GRM5: variants seen among roughly 807,000 people sequenced by gnomAD.
GRM5 encodes the protein glutamate metabotropic receptor 5.
In GRM5, 19 loss-of-function variants were observed where a neutral mutation model predicts 83.1. The observed-to-expected ratio is 0.23, with a 90% CI of 0.16 to 0.34. The LOEUF (loss-of-function observed/expected upper bound fraction) is 0.34. Among genes scored for constraint, GRM5 ranks in the 10% least tolerant of loss-of-function variants. GRM5 has a pLI of 1.00. For missense variants in GRM5, 1,160 were observed against 1,588.3 expected (o/e 0.73, Z 4.58); for synonymous variants, 675 against 633.6 (o/e 1.07, Z -0.98).
intron 4 of GRM5, among the ~76,000 whole-genome samples, chr11:88,649,821 C>A (rs1474112699): frequency 1.3e-5 from 2 of 151,516 alleles, no homozygotes; most frequent in Non-Finnish European, 3.0e-5. Flanking sequence ...AAGAAATTTC[C>A]TCGGGCTGAA....
At chr11:89,063,813 T>C (rs758337584) in intron 1 of GRM5, among the ~76,000 whole-genome samples, 8 of 152,194 alleles carry the variant, frequency 5.3e-5, no homozygotes, top group Non-Finnish European at 7.3e-5. Flanking sequence ...TTTAGGAACA[T>C]AGACTCCTGG....
At chr11:88,664,699 G>A (rs1313105138) in intron 3 of GRM5, among the ~76,000 whole-genome samples, 3 of 152,006 alleles carry the variant, frequency 2.0e-5, no homozygotes, top group East Asian at 1.9e-4. Flanking sequence ...CACCTGCCTC[G>A]GCCTCCCAAA....
chr11:89,013,086 G>T (rs1212761849), intron 2 of GRM5, among the ~76,000 whole-genome samples: 3 of 152,130 alleles, frequency 2.0e-5, no homozygotes, highest in Admixed American at 6.5e-5. Flanking sequence ...CTAAGATCTT[G>T]CAGACAAAGT....
chr11:88,687,579 A>AATATATATATATATATAT (rs1242323998), intron 3 of GRM5, among the ~76,000 whole-genome samples: 1 of 46,880 alleles, frequency 2.1e-5, no homozygotes, highest in African/African-American at 2.0e-4. Flanking sequence ...ATATATATAT[A>AATATATATATATATATAT]ATATATATAT....
At position 88,508,223 on chromosome 11, in the gene GRM5, T is replaced by C. The variant is rs1941232313; in HGVS notation, c.*369A>G. 6.1e-6 allele frequency: 1 copy of C among 164,196 alleles called. No individual in the cohort carries two copies. The highest frequency in any genetic ancestry group is 2.4e-5 in the African/African-American group (1 of 41,976). The allele number at this position is 164,196 out of a possible 1,614,324, so 10.2% of individuals were successfully genotyped here. On this transcript the variant is annotated 3_prime_UTR_variant, in exon 10 of 10. Transcript: ENST00000305447. This position sits in a 1 kb window ranked among gnomAD's most constrained non-coding sequence, Gnocchi z 4.2. Reference sequence around the variant, plus strand: ...AATTAAAGTAAACAAATAAAACTTTTTACAGTTGCTTATTAACTATGCTCT... The same window carrying C: ...AATTAAAGTAAACAAATAAAACTTTCTACAGTTGCTTATTAACTATGCTCT...
chr11:89,010,973 A>G (rs1565334507), intron 2 of GRM5, among the ~76,000 whole-genome samples: 1 of 152,226 alleles, frequency 6.6e-6, no homozygotes, highest in African/African-American at 2.4e-5. Context: ...CCAAAAGAGT[A>G]ATAAGAAAAG....
intron 9 of GRM5, among the ~76,000 whole-genome samples, chr11:88,510,667 C>T (rs917159534): frequency 6.6e-6 from 1 of 152,204 alleles, no homozygotes; most frequent in African/African-American, 2.4e-5. Flanking sequence ...TAGGCATGCG[C>T]CACCACGCCC....
intron 2 of GRM5, among the ~76,000 whole-genome samples, chr11:89,035,679 T>C (rs1335883696): frequency 1.3e-5 from 2 of 152,022 alleles, no homozygotes; most frequent in Non-Finnish European, 2.9e-5. Flanking sequence ...AGCACGAAAA[T>C]CCACCTTGAT....
chr11:88,834,043 T>C (rs185656699), intron 3 of GRM5, among the ~76,000 whole-genome samples: 109 of 152,336 alleles, frequency 7.2e-4, no homozygotes, highest in Middle Eastern at 3.4e-3. Flanking sequence ...AACATTCTAA[T>C]GTTTGTTAGC....
At chr11:88,873,474 CTT>C (rs1355147704) in intron 2 of GRM5, among the ~76,000 whole-genome samples, 1 of 151,550 alleles carries the variant, frequency 6.6e-6, no homozygotes, top group African/African-American at 2.4e-5. Flanking sequence ...AAAAAATACT[CTT>C]ATCACATTTA....
intron 4 of GRM5, among the ~76,000 whole-genome samples, chr11:88,621,004 T>C (rs1938618456): frequency 6.6e-6 from 1 of 152,218 alleles, no homozygotes; most frequent in Admixed American, 6.5e-5. Flanking sequence ...TGATTCACCA[T>C]GAACAGCCAG....
intron 2 of GRM5, among the ~76,000 whole-genome samples, chr11:88,903,889 T>G (rs1945360001): frequency 6.6e-6 from 1 of 152,180 alleles, no homozygotes; most frequent in Admixed American, 6.5e-5. Flanking sequence ...GCATTCCATA[T>G]ATTTATTAAA....
At chr11:88,745,380 AT>A (rs35158314) in intron 3 of GRM5, among the ~76,000 whole-genome samples, 1 of 150,730 alleles carries the variant, frequency 6.6e-6, no homozygotes, top group Admixed American at 6.6e-5. Flanking sequence ...CTAATATTGT[AT>A]TTTTTGTAGA....
At chr11:88,746,459 C>A (rs58331483) in intron 3 of GRM5, among the ~76,000 whole-genome samples, 13,286 of 151,752 alleles carry the variant, frequency 0.088, 672 homozygotes, top group African/African-American at 0.15. Context: ...TGAATTAATC[C>A]CAGATATCAT....
intron 5 of GRM5, among the ~76,000 whole-genome samples, chr11:88,601,999 T>C (rs1180319778): frequency 6.6e-6 from 1 of 152,192 alleles, no homozygotes; most frequent in East Asian, 1.9e-4. Flanking sequence ...ACTGGTGATC[T>C]AGTCTGTTAA....
At chr11:88,740,864 G>A (rs1338172404) in intron 3 of GRM5, among the ~76,000 whole-genome samples, 1 of 152,036 alleles carries the variant, frequency 6.6e-6, no homozygotes, top group Non-Finnish European at 1.5e-5. Context: ...TGGCAGGTTG[G>A]AGGAAGATTA....
chr11:88,865,335 G>GT (rs1170937755), intron 2 of GRM5, among the ~76,000 whole-genome samples: 1 of 152,072 alleles, frequency 6.6e-6, no homozygotes, highest in Admixed American at 6.6e-5. Context: ...AATAAATGGT[G>GT]TTGGGAAAAC....
intron 3 of GRM5, 45 bp from the exon 4 acceptor site, chr11:88,653,448 T>G: frequency 2.7e-5 from 35 of 1,277,240 alleles, no homozygotes; most frequent in Middle Eastern, 1.9e-4. Flanking sequence ...AGATATCTCC[T>G]AAGCAAATGA....
intron 3 of GRM5, among the ~76,000 whole-genome samples, chr11:88,790,929 CAGTT>C (rs1280931735): frequency 2.0e-5 from 3 of 152,036 alleles, no homozygotes; most frequent in Admixed American, 6.6e-5. Context: ...AAATTTATAA[CAGTT>C]AGAATTAAAT....
Sources: gnomAD v4.1 joint callset for allele counts (sites outside exome capture counted in the v4.1 genomes callset) on GRCh38, gnomAD v4.1.1 for gene constraint, Gnocchi (gnomAD v3.1) non-coding constraint, MANE v1.5 for transcripts, NCBI Gene and HGNC (gene_info 2026-07-23, HGNC 2026-07-21) for gene names.